LEKR1: variants seen among roughly 807,000 people sequenced by gnomAD.
LEKR1 encodes the protein protein LEKR1.
A neutral mutation model predicts 72.4 loss-of-function variants in LEKR1; 59 were observed. The observed-to-expected ratio is 0.82, with a 90% CI of 0.66 to 1.01. The LOEUF is 1.01. LEKR1 is among the 50% of genes least tolerant of loss of function. The pLI, the probability that LEKR1 is intolerant of heterozygous loss-of-function variation, is 0.00. For synonymous variants in LEKR1, 257 were observed against 263.2 expected, an observed-to-expected ratio of 0.98 and a Z score of 0.23; for missense variants, 728 against 759.2, an observed-to-expected ratio of 0.96 and a Z score of 0.48.
Position 156,927,407 on chromosome 3 carries a change from ATTTT to A in LEKR1, c.384-13_384-10del. On this transcript the variant is annotated intron_variant, in intron 4 of 12. Transcript: ENST00000356539. Reference sequence around the variant, plus strand: ...TATGCTTACTATTTTTTAAAATCCTATTTTTTTTTTTTACTTTGCAGTCAAAGAT... The same window carrying A: ...TATGCTTACTATTTTTTAAAATCCTATTTTTTTTACTTTGCAGTCAAAGAT... 1 of 805,550 alleles carries A rather than the reference ATTTT, an allele frequency of 1.2e-6. No homozygotes were observed. Among genetic ancestry groups the A allele is most frequent in the Non-Finnish European group, 1.6e-6 (1 of 630,644 alleles). The allele number at this position is 805,550 out of a possible 1,614,324, so 49.9% of individuals were successfully genotyped here.
chr3:156,915,468 A>ACTGG (rs1723541725), intron 3 of LEKR1, among the ~76,000 whole-genome samples: 8 of 151,288 alleles, frequency 5.3e-5, no homozygotes, highest in Admixed American at 5.3e-4. Flanking sequence ...GTGTGAGATG[A>ACTGG]TATCTCATCG....
chr3:156,882,913 A>G (rs1719601775), intron 3 of LEKR1, among the ~76,000 whole-genome samples: 2 of 152,056 alleles, frequency 1.3e-5, no homozygotes, highest in African/African-American at 2.4e-5. Flanking sequence ...CAAAAAACCA[A>G]ACACCACATA....
chr3:156,925,077 G>A (rs1029961479), intron 4 of LEKR1: 2 of 151,974 alleles, frequency 1.3e-5, no homozygotes, highest in African/African-American at 4.8e-5. Flanking sequence ...AATGTGGTAT[G>A]TTTTTCCATG....
intron 3 of LEKR1, among the ~76,000 whole-genome samples, chr3:156,868,747 C>T (rs894598892): frequency 1.3e-4 from 19 of 151,940 alleles, no homozygotes; most frequent in African/African-American, 4.6e-4. Flanking sequence ...TTGTTATTAA[C>T]TAGAGTCACC....
At chr3:156,874,697 T>C (rs1560042539) in intron 3 of LEKR1, among the ~76,000 whole-genome samples, 1 of 152,088 alleles carries the variant, frequency 6.6e-6, no homozygotes, top group African/African-American at 2.4e-5. Flanking sequence ...CTCCTGCTCT[T>C]CCCCCCAAGT....
At chr3:156,865,726 C>A (rs1334820823) in intron 3 of LEKR1, among the ~76,000 whole-genome samples, 1 of 151,994 alleles carries the variant, frequency 6.6e-6, no homozygotes, top group African/African-American at 2.4e-5. Flanking sequence ...GGCTCAAAAT[C>A]TTCTCTATGG....
intron 3 of LEKR1, among the ~76,000 whole-genome samples, chr3:156,866,277 C>T (rs116686493): frequency 0.016 from 2,459 of 152,138 alleles, 67 homozygotes; most frequent in African/African-American, 0.055. Context: ...GGATGACTTT[C>T]TGTGAAGGTT....
chr3:156,847,069 A>G (rs1714705117), intron 2 of LEKR1, among the ~76,000 whole-genome samples: 1 of 152,092 alleles, frequency 6.6e-6, no homozygotes, highest in African/African-American at 2.4e-5. Context: ...CGGCCTCCCA[A>G]AGCGCTGGGA....
intron 3 of LEKR1, among the ~76,000 whole-genome samples, chr3:156,917,209 A>G (rs1442823351): frequency 1.3e-5 from 2 of 152,120 alleles, no homozygotes; most frequent in Non-Finnish European, 2.9e-5. Flanking sequence ...AGAAAGTTAA[A>G]AGTGGTAAAA....
chr3:156,978,161 A>C (rs950183538), intron 6 of LEKR1, among the ~76,000 whole-genome samples: 1 of 152,202 alleles, frequency 6.6e-6, no homozygotes, highest in Non-Finnish European at 1.5e-5. Context: ...GGATAAACAA[A>C]GGTTTATACA....
intron 3 of LEKR1, 24 bp from the exon 4 acceptor site, chr3:156,920,551 A>C (rs974346893): frequency 2.9e-6 from 4 of 1,391,058 alleles, no homozygotes; most frequent in Non-Finnish European, 3.9e-6. Context: ...AGAATACTTA[A>C]GGAATGTTTG....
intron 4 of LEKR1, among the ~76,000 whole-genome samples, chr3:156,921,831 G>A (rs1395345699): frequency 1.3e-5 from 2 of 152,006 alleles, no homozygotes; most frequent in Non-Finnish European, 2.9e-5. Flanking sequence ...GGATATTATG[G>A]GACTGATACA....
At chr3:156,845,278 C>A (rs1714449539) in intron 2 of LEKR1, among the ~76,000 whole-genome samples, 1 of 151,642 alleles carries the variant, frequency 6.6e-6, no homozygotes, top group Non-Finnish European at 1.5e-5. Flanking sequence ...TTCTCCTGGT[C>A]TGTAGCTTGT....
chr3:156,850,421 T>C (rs1157366354), intron 2 of LEKR1, among the ~76,000 whole-genome samples: 1 of 152,030 alleles, frequency 6.6e-6, no homozygotes, highest in African/African-American at 2.4e-5. Context: ...GAATTCCAAA[T>C]GGCAAGTAGG....
chr3:156,971,914 A>G (rs1729234276), intron 6 of LEKR1, among the ~76,000 whole-genome samples: 2 of 152,204 alleles, frequency 1.3e-5, no homozygotes, highest in Admixed American at 6.5e-5. Flanking sequence ...TAGTTCAACC[A>G]TTGTGGAAGT....
chr3:156,861,832 A>C (rs1360327508), intron 3 of LEKR1, among the ~76,000 whole-genome samples: 2 of 152,078 alleles, frequency 1.3e-5, no homozygotes, highest in Non-Finnish European at 2.9e-5. Flanking sequence ...TAACATGTAG[A>C]TCTAAGATCA....
At chr3:156,932,605 T>C (rs1725324939) in intron 5 of LEKR1, among the ~76,000 whole-genome samples, 1 of 148,364 alleles carries the variant, frequency 6.7e-6, no homozygotes, top group African/African-American at 2.5e-5. Context: ...TCCAGCTACT[T>C]GGGAGGCTGA....
chr3:156,844,859 G>A (rs1043186421), intron 2 of LEKR1, among the ~76,000 whole-genome samples: 5 of 150,496 alleles, frequency 3.3e-5, no homozygotes, highest in African/African-American at 1.2e-4. Flanking sequence ...CATTTTCCTG[G>A]GATAAATGGC....
intron 6 of LEKR1, among the ~76,000 whole-genome samples, chr3:156,971,029 C>T (rs1284791310): frequency 6.6e-6 from 1 of 151,822 alleles, no homozygotes; most frequent in African/African-American, 2.4e-5. Flanking sequence ...CCCGCATCGC[C>T]AAGTCAATCC....
Sources: allele counts gnomAD v4.1 joint callset (sites outside exome capture counted in the v4.1 genomes callset), GRCh38; gene constraint gnomAD v4.1.1; transcripts MANE v1.5; gene names NCBI Gene and HGNC (gene_info 2026-07-23, HGNC 2026-07-21).